The following GNA14 variants were observed in gnomAD, a reference collection of about 807,000 sequenced individuals.
The protein encoded by GNA14 is guanine nucleotide-binding protein subunit alpha-14.
In GNA14, 50 loss-of-function variants were observed where a neutral mutation model predicts 42.0. The observed-to-expected ratio is 1.19, with a 90% CI of 0.95 to 1.51. GNA14 has a LOEUF of 1.51. Ranked by LOEUF, GNA14 falls within the 40% of genes most tolerant of loss-of-function variation. The pLI is 0.00. For missense variants in GNA14, 473 were observed against 446.2 expected, an observed-to-expected ratio of 1.06 and a Z score of -0.54; for synonymous variants, 173 against 163.1, an observed-to-expected ratio of 1.06 and a Z score of -0.46.
intron 2 of GNA14, among the ~76,000 whole-genome samples, chr9:77,443,872 C>T (rs1480420823): frequency 6.6e-6 from 1 of 152,184 alleles, no homozygotes; most frequent in African/African-American, 2.4e-5. Context: ...GCCCCAGCTA[C>T]TCTGGAGGCT....
chr9:77,623,949 G>A (rs1823974233), intron 1 of GNA14, among the ~76,000 whole-genome samples: 2 of 152,294 alleles, frequency 1.3e-5, no homozygotes, highest in South Asian at 4.1e-4. Context: ...AGGGGCTGAA[G>A]CCAGGGAGCC....
At chr9:77,541,944 T>G (rs1837666005) in intron 1 of GNA14, among the ~76,000 whole-genome samples, 1 of 152,188 alleles carries the variant, frequency 6.6e-6, no homozygotes, top group African/African-American at 2.4e-5. Context: ...TCCTGAATTG[T>G]TTTTCTCCTC....
At chr9:77,531,182 C>A (rs890108247) in intron 1 of GNA14, among the ~76,000 whole-genome samples, 1 of 152,186 alleles carries the variant, frequency 6.6e-6, no homozygotes, top group African/African-American at 2.4e-5. Flanking sequence ...GCACCACGAA[C>A]AATGTGCCTG....
chr9:77,476,670 C>T (rs1836429827), intron 2 of GNA14, among the ~76,000 whole-genome samples: 1 of 152,076 alleles, frequency 6.6e-6, no homozygotes. Context: ...AAGGCAAGTC[C>T]TATAAACTGA....
At chr9:77,605,598 A>C (rs1480870698) in intron 1 of GNA14, among the ~76,000 whole-genome samples, 5 of 152,238 alleles carry the variant, frequency 3.3e-5, no homozygotes, top group African/African-American at 4.8e-5. Context: ...TTTAAAAAGA[A>C]GGAAATCCTG....
At chr9:77,489,780 G>A (rs1368085005) in intron 2 of GNA14, among the ~76,000 whole-genome samples, 5 of 152,174 alleles carry the variant, frequency 3.3e-5, no homozygotes, top group African/African-American at 1.2e-4. Flanking sequence ...GCTCAGGACT[G>A]AAGCTGCAGA....
At chr9:77,632,217 G>C (rs1013355031) in intron 1 of GNA14, among the ~76,000 whole-genome samples, 8 of 152,196 alleles carry the variant, frequency 5.3e-5, no homozygotes, top group Non-Finnish European at 1.2e-4. Flanking sequence ...GCCAAGGGGG[G>C]CACTGAGGGA....
At chr9:77,480,351 G>T (rs990674458) in intron 2 of GNA14, among the ~76,000 whole-genome samples, 2 of 152,168 alleles carry the variant, frequency 1.3e-5, no homozygotes, top group Non-Finnish European at 2.9e-5. Context: ...GCTGGATTAT[G>T]TTTATTGATT....
intron 6 of GNA14, among the ~76,000 whole-genome samples, chr9:77,424,980 A>G (rs1835432340): frequency 6.6e-6 from 1 of 152,182 alleles, no homozygotes; most frequent in South Asian, 2.1e-4. Flanking sequence ...GCAACAGGGC[A>G]TGAGACTCTC....
chr9:77,555,185 C>T (rs1419369045), intron 1 of GNA14, among the ~76,000 whole-genome samples: 1 of 152,104 alleles, frequency 6.6e-6, no homozygotes, highest in Admixed American at 6.5e-5. Context: ...GGAGTAAAGT[C>T]TAACACTTTA....
intron 2 of GNA14, among the ~76,000 whole-genome samples, chr9:77,436,418 C>T (rs1301939343): frequency 6.6e-6 from 1 of 152,190 alleles, no homozygotes; most frequent in Non-Finnish European, 1.5e-5. Context: ...TTAGCCTTTA[C>T]TATTGTAGCA....
chr9:77,484,848 A>T (rs924503293), intron 2 of GNA14, among the ~76,000 whole-genome samples: 1 of 152,222 alleles, frequency 6.6e-6, no homozygotes, highest in African/African-American at 2.4e-5. Context: ...TAGTCTATTA[A>T]GTGTGCAATA....
intron 2 of GNA14, among the ~76,000 whole-genome samples, chr9:77,509,514 T>C (rs1038007237): frequency 6.6e-6 from 1 of 152,216 alleles, no homozygotes; most frequent in African/African-American, 2.4e-5. Context: ...GTGAGTTTTC[T>C]AAAAAGAGGG....
intron 2 of GNA14, among the ~76,000 whole-genome samples, chr9:77,508,570 T>C (rs1326315934): frequency 6.6e-6 from 1 of 152,226 alleles, no homozygotes; most frequent in Non-Finnish European, 1.5e-5. Context: ...AGTACGTGTA[T>C]ATATGTGTGC....
At chr9:77,528,324 A>G (rs548365757) in intron 2 of GNA14, among the ~76,000 whole-genome samples, 3 of 152,258 alleles carry the variant, frequency 2.0e-5, no homozygotes, top group African/African-American at 7.2e-5. Flanking sequence ...TTTGGTATCA[A>G]TTATTTTAAA....
intron 1 of GNA14, among the ~76,000 whole-genome samples, chr9:77,628,442 C>G (rs1303638587): frequency 6.6e-6 from 1 of 152,144 alleles, no homozygotes; most frequent in Non-Finnish European, 1.5e-5. Context: ...CAATCCTAAG[C>G]AAAAAGAACA....
intron 1 of GNA14, among the ~76,000 whole-genome samples, chr9:77,545,446 C>T (rs1049223226): frequency 6.6e-6 from 1 of 151,992 alleles, no homozygotes; most frequent in African/African-American, 2.4e-5. Flanking sequence ...AATATATATG[C>T]AAATAGGTAT....
chr9:77,631,186 A>G (rs1433769425), intron 1 of GNA14, among the ~76,000 whole-genome samples: 1 of 152,076 alleles, frequency 6.6e-6, no homozygotes, highest in East Asian at 1.9e-4. Flanking sequence ...CCTTACTTCC[A>G]TCTTATGGTA....
At position 77,618,545 on chromosome 9, in the gene GNA14, T is replaced by C. The variant is rs577622586; in HGVS notation, c.124+29125A>G. On this transcript the variant is annotated intron_variant, in intron 1 of 6. Transcript: ENST00000341700. ...GAATATAAGGTATCTCACTGAAAAT[T>C]TTCATTGTTGATTATATGCTGGATG... Among the ~76,000 whole-genome samples the C allele has an allele frequency of 8.1e-5, 11 of 136,024 alleles. No individual in the cohort carries two copies. In the East Asian group the frequency reaches 2.4e-3, roughly 30 times the overall value. 89.2% of individuals were successfully genotyped at this position (136,024 alleles called of 152,430 possible). A position where few individuals can be genotyped will look rare whatever the true frequency, so the allele number is the denominator to read the frequency against.
Sources: gnomAD v4.1 joint callset for allele counts (sites outside exome capture counted in the v4.1 genomes callset) on GRCh38, gnomAD v4.1.1 for gene constraint, MANE v1.5 for transcripts, NCBI Gene and HGNC (gene_info 2026-07-23, HGNC 2026-07-21) for gene names.